The following TLE1 variants were observed in gnomAD, a reference collection of about 807,000 sequenced individuals.
The protein encoded by TLE1 is TLE family member 1, transcriptional corepressor, also known as transducin-like enhancer protein 1.
Under a neutral mutation model 89.8 loss-of-function variants are expected in TLE1, and 21 were observed. That is an observed-to-expected ratio of 0.23 (90% CI 0.17 to 0.34). The LOEUF is 0.34. Ranked by LOEUF, TLE1 falls within the 10% of genes least tolerant of loss-of-function variation. TLE1 has a pLI of 1.00. For synonymous variants in TLE1, 447 were observed against 407.6 expected, an observed-to-expected ratio of 1.10 and a Z score of -1.16; for missense variants, 795 against 1,031.2, an observed-to-expected ratio of 0.77 and a Z score of 3.14.
intron 6 of TLE1, among the ~76,000 whole-genome samples, chr9:81,636,832 G>A (rs954296111): frequency 3.3e-4 from 50 of 149,888 alleles, no homozygotes; most frequent in African/African-American, 1.0e-3. Flanking sequence ...GTGAAACCCC[G>A]TCTCTACTAA....
chr9:81,608,058 A>T lies in TLE1; in HGVS notation c.1331+2162T>A, dbSNP rs541725590. ...ATCTCATGCTGGTGGTTTATTTGAA[A>T]CAAGGCTCTTATCAAAACCACACAA... is the stretch of plus-strand genomic sequence containing the variant. On this transcript the variant is annotated intron_variant, in intron 14 of 19. Transcript: ENST00000376499. 7.2e-4 allele frequency among the ~76,000 whole-genome samples: 109 copies of T among 152,370 alleles called. No homozygotes were observed. The South Asian group carries it at 0.022, about 30-fold the overall frequency.
intron 4 of TLE1, among the ~76,000 whole-genome samples, chr9:81,666,415 G>A (rs1006180128): frequency 6.6e-6 from 1 of 152,126 alleles, no homozygotes; most frequent in African/African-American, 2.4e-5. Flanking sequence ...CAGGATTAGT[G>A]GGAGGAAAAG....
At chr9:81,591,082 A>C in intron 15 of TLE1, 30 bp from the exon 16 acceptor site, 2 of 1,600,258 alleles carry the variant, frequency 1.2e-6, no homozygotes, top group Non-Finnish European at 1.7e-6. Flanking sequence ...CATTGCTATA[A>C]TGAATTACCG....
chr9:81,587,644 T>A, intron 17 of TLE1, 37 bp downstream of exon 17: 4 of 1,578,454 alleles, frequency 2.5e-6, no homozygotes, highest in Non-Finnish European at 3.4e-6. Flanking sequence ...CCCAGCCACC[T>A]CCCAGACTCC....
At chr9:81,670,309 A>G (rs1832050095) in intron 4 of TLE1, among the ~76,000 whole-genome samples, 1 of 152,036 alleles carries the variant, frequency 6.6e-6, no homozygotes, top group South Asian at 2.1e-4. Flanking sequence ...CTCACAATGC[A>G]AAGTCTACAC....
intron 1 of TLE1, 29 bp downstream of exon 1, chr9:81,688,188 C>T (rs773082077): frequency 1.3e-6 from 2 of 1,599,850 alleles, no homozygotes; most frequent in Non-Finnish European, 1.7e-6. Flanking sequence ...ACGATCCTGG[C>T]CCCCCACCAC....
rs1476857702 is a variant in TLE1 at position 81,633,354 on chromosome 9, C to T, written c.588G>A (p.Pro196=). ...CAGGCGTTTGAGTACTTACTGTGCC[C>T]GGCTCTCTGTCTGCTCCCGAGGTTA... ...HDAEHHRDRE[P]GTSNSLLVPD... is the part of the protein sequence containing the mutation. Residue 196 remains proline (P), a synonymous_variant, in exon 8 of 20, where the codon CCG becomes CCA. Coordinates refer to ENST00000376499, the MANE Select transcript of TLE1 (RefSeq NM_005077.5). 10 of 1,612,266 alleles carry T rather than the reference C, an allele frequency of 6.2e-6. No individual in the cohort carries two copies. Among genetic ancestry groups the T allele is most frequent in the Admixed American group, 5.0e-5 (3 of 59,754 alleles).
At chr9:81,596,794 G>A (rs1302312905) in intron 14 of TLE1, among the ~76,000 whole-genome samples, 1 of 152,150 alleles carries the variant, frequency 6.6e-6, no homozygotes, top group Non-Finnish European at 1.5e-5. Context: ...GCATGGGAGG[G>A]GTTTCTGGGC....
intron 4 of TLE1, among the ~76,000 whole-genome samples, chr9:81,678,140 G>A (rs1355797922): frequency 1.3e-5 from 2 of 152,140 alleles, no homozygotes; most frequent in South Asian, 2.1e-4. Flanking sequence ...TTACAGGGGA[G>A]GGGATAAACA....
chr9:81,585,152 T>C (rs1433035103), intron 18 of TLE1, among the ~76,000 whole-genome samples: 2 of 152,180 alleles, frequency 1.3e-5, no homozygotes, highest in African/African-American at 4.8e-5. Flanking sequence ...CCTGGATTCC[T>C]CATCATGGCC....
At chr9:81,636,848 C>G (rs751663676) in intron 6 of TLE1, among the ~76,000 whole-genome samples, 2 of 150,984 alleles carry the variant, frequency 1.3e-5, no homozygotes, top group African/African-American at 2.4e-5. Context: ...ACTAAAAATA[C>G]AACAATAAGC....
chr9:81,685,968 C>T (rs1564088918), intron 2 of TLE1, 72 bp from the exon 3 acceptor site: 1 of 1,542,124 alleles, frequency 6.5e-7, no homozygotes, highest in Non-Finnish European at 8.9e-7. Context: ...CACATATTTG[C>T]ACTTCAAGTA....
At chr9:81,622,376 C>G (rs1825376883) in intron 8 of TLE1, among the ~76,000 whole-genome samples, 1 of 152,184 alleles carries the variant, frequency 6.6e-6, no homozygotes, top group Non-Finnish European at 1.5e-5. Flanking sequence ...TCCAAGCCCT[C>G]CTGCTGTCAT....
chr9:81,593,864 T>C (rs950942992), intron 14 of TLE1, among the ~76,000 whole-genome samples: 3 of 152,198 alleles, frequency 2.0e-5, no homozygotes, highest in Non-Finnish European at 4.4e-5. Context: ...TTAGGTTTCC[T>C]ACTCAACAAT....
intron 4 of TLE1, among the ~76,000 whole-genome samples, chr9:81,679,849 C>T (rs1833379885): frequency 6.6e-6 from 1 of 152,122 alleles, no homozygotes; most frequent in African/African-American, 2.4e-5. Context: ...CTTTAATCCA[C>T]TTCTGGAGAC....
At chr9:81,624,289 TG>T (rs1208588119) in intron 8 of TLE1, among the ~76,000 whole-genome samples, 1 of 152,170 alleles carries the variant, frequency 6.6e-6, no homozygotes, top group Non-Finnish European at 1.5e-5. Context: ...TACTTTAAAA[TG>T]AACTAGGAAT....
At chr9:81,599,172 AC>A (rs1830595211) in intron 14 of TLE1, among the ~76,000 whole-genome samples, 2 of 152,198 alleles carry the variant, frequency 1.3e-5, no homozygotes, top group Admixed American at 1.3e-4. Context: ...TTGCCACATC[AC>A]AGGAGGGGGC....
chr9:81,642,172 C>CA (rs1432465681), intron 6 of TLE1, among the ~76,000 whole-genome samples: 2 of 152,100 alleles, frequency 1.3e-5, no homozygotes, highest in Non-Finnish European at 2.9e-5. Flanking sequence ...AGCCCTGATG[C>CA]AAAACAACAG....
intron 6 of TLE1, among the ~76,000 whole-genome samples, chr9:81,636,255 C>CT (rs888893903): frequency 1.3e-5 from 2 of 152,122 alleles, no homozygotes; most frequent in Non-Finnish European, 2.9e-5. Flanking sequence ...CTTTTAAGAG[C>CT]TTGGCAATAG....
Sources: gnomAD v4.1 joint callset for allele counts (sites outside exome capture counted in the v4.1 genomes callset) on GRCh38, gnomAD v4.1.1 for gene constraint, MANE v1.5 for transcripts, NCBI Gene and HGNC (gene_info 2026-07-23, HGNC 2026-07-21) for gene names.